DUSP16: variants seen among roughly 807,000 people sequenced by gnomAD.
DUSP16 encodes dual specificity protein phosphatase 16.
A neutral mutation model predicts 58.3 loss-of-function variants in DUSP16; 21 were observed. The observed-to-expected ratio is 0.36, with a 90% CI of 0.26 to 0.52. The LOEUF (loss-of-function observed/expected upper bound fraction) is 0.52, where lower values mean the gene tolerates loss of function less well. Among genes scored for constraint, DUSP16 ranks in the 20% least tolerant of loss-of-function variants. The pLI, the probability that DUSP16 is intolerant of heterozygous loss-of-function variation, is 0.94. For synonymous variants in DUSP16, 320 were observed against 323.8 expected, an observed-to-expected ratio of 0.99 and a Z score of 0.12; for missense variants, 726 against 819.0, an observed-to-expected ratio of 0.89 and a Z score of 1.39.
chr12:12,487,101 G>A lies in DUSP16; in HGVS notation c.618C>T (p.Phe206=). ...PKPDFIPESH[F]LRVPVNDSFC... is the part of the protein sequence containing the mutation. ...AGCTGTCATTCACAGGCACACGCAG[G>A]AAATGAGACTCGGGGATAAAGTCAG... The change falls in exon 5 of 7, where the codon TTC becomes TTT. Residue 206 remains phenylalanine (F), a synonymous_variant. Transcript: ENST00000298573. 1 of 1,614,180 alleles carries A rather than the reference G, an allele frequency of 6.2e-7. No homozygotes were observed. The highest frequency in any genetic ancestry group is 8.5e-7 in the Non-Finnish European group (1 of 1,180,020).
Position 12,475,433 on chromosome 12 carries a change from C to T in DUSP16, c.*1400G>A, listed in dbSNP as rs1389932692. 1 of 152,256 alleles carries T rather than the reference C, an allele frequency of 6.6e-6. No individual in the cohort carries two copies. Among genetic ancestry groups the T allele is most frequent in the Non-Finnish European group, 1.5e-5 (1 of 68,074 alleles). 9.4% of individuals were successfully genotyped at this position (152,256 alleles called of 1,614,324 possible). ...CTGAGGACGCCCCTTTGCTCTCGCT[C>T]CATTTTGATTTGCTTTTTCCACTGA... On this transcript the variant is annotated 3_prime_UTR_variant, in exon 7 of 7. Coordinates refer to ENST00000298573, the MANE Select transcript of DUSP16 (RefSeq NM_030640.3).
chr12:12,542,560 T>C (rs1488723115), intron 1 of DUSP16, among the ~76,000 whole-genome samples: 2 of 152,244 alleles, frequency 1.3e-5, no homozygotes, highest in East Asian at 1.9e-4. Flanking sequence ...TAGTGATTAC[T>C]ACACAACTGT....
intron 4 of DUSP16, among the ~76,000 whole-genome samples, chr12:12,499,344 C>T (rs976535930): frequency 7.2e-5 from 11 of 152,172 alleles, no homozygotes; most frequent in African/African-American, 2.7e-4. Flanking sequence ...TAACTGCACA[C>T]TCAAAGGCAT....
rs551676688 is a variant in DUSP16, at chr12:12,500,527, G to C, written c.523C>G (p.Leu175Val). The change falls in exon 4 of 7, where the codon CTC becomes GTC. Residue 175 changes from leucine to valine, a missense_variant. Leu to Val is a conservative substitution (Grantham distance 32). Transcript: ENST00000298573. ...ATTTTCAAAGCACCCACCTTGTTGA[G>C]GACATCTCGCTGGCAGCCAAGATAA... The part of the protein sequence containing the change: ...NLYLGCQRDV[L>V]NKELMQQNGI... 4.4e-6 allele frequency: 7 copies of C among 1,607,476 alleles called. No homozygotes were observed. In the South Asian group the frequency reaches 6.7e-5, roughly 15 times the overall value.
At chr12:12,537,332 A>G (rs1381365157) in intron 1 of DUSP16, among the ~76,000 whole-genome samples, 3 of 152,236 alleles carry the variant, frequency 2.0e-5, no homozygotes, top group African/African-American at 7.2e-5. Context: ...AAGTTTTTAA[A>G]TGTAATTACA....
intron 1 of DUSP16, among the ~76,000 whole-genome samples, chr12:12,543,899 A>G (rs1944601733): frequency 6.6e-6 from 1 of 151,976 alleles, no homozygotes; most frequent in African/African-American, 2.4e-5. Flanking sequence ...CAGCATTGAT[A>G]ATACAAGCTT....
At chr12:12,497,646 A>G (rs564772350) in intron 4 of DUSP16, among the ~76,000 whole-genome samples, 1 of 150,678 alleles carries the variant, frequency 6.6e-6, no homozygotes, top group East Asian at 2.0e-4. Flanking sequence ...TGCTTCTAAC[A>G]TATTTTGGTG....
chr12:12,493,132 T>A (rs931544827), intron 4 of DUSP16, among the ~76,000 whole-genome samples: 1 of 152,178 alleles, frequency 6.6e-6, no homozygotes, highest in Non-Finnish European at 1.5e-5. Context: ...CATTCATACA[T>A]CCATCTGTCT....
At chr12:12,482,003 C>A (rs1178943465) in intron 5 of DUSP16, among the ~76,000 whole-genome samples, 1 of 152,138 alleles carries the variant, frequency 6.6e-6, no homozygotes, top group Non-Finnish European at 1.5e-5. Flanking sequence ...TCCTTTATAC[C>A]ATTATAATGT....
chr12:12,516,335 G>C (rs1409036223), intron 3 of DUSP16, among the ~76,000 whole-genome samples: 2 of 152,112 alleles, frequency 1.3e-5, no homozygotes, highest in Admixed American at 6.6e-5. Flanking sequence ...TAATCCACTG[G>C]GAGTGAAACA....
At chr12:12,484,264 G>A (rs1404533737) in intron 5 of DUSP16, among the ~76,000 whole-genome samples, 2 of 152,106 alleles carry the variant, frequency 1.3e-5, no homozygotes, top group African/African-American at 4.8e-5. Context: ...ATAGAACCAA[G>A]CAAATGAAAT....
rs767054549 is a variant in DUSP16 at position 12,476,711 on chromosome 12, C to T, written c.*122G>A. 1.6e-4 allele frequency: 135 copies of T among 835,066 alleles called. No individual in the cohort carries two copies. The highest frequency in any genetic ancestry group is 2.4e-4 in the Non-Finnish European group (130 of 552,682). The allele number at this position is 835,066 out of a possible 1,614,324, so 51.7% of individuals were successfully genotyped here. A position where few individuals can be genotyped will look rare whatever the true frequency, so the allele number is the denominator to read the frequency against. On this transcript the variant is annotated 3_prime_UTR_variant, in exon 7 of 7. Transcript: ENST00000298573. ...TGGGTTGATCCACCTGTTGCTTTTA[C>T]ACCATAGCTCCATTTTCCAAAAATA...
At chr12:12,503,842 A>T (rs987193740) in intron 3 of DUSP16, among the ~76,000 whole-genome samples, 3 of 152,180 alleles carry the variant, frequency 2.0e-5, no homozygotes, top group African/African-American at 4.8e-5. Flanking sequence ...TGACCATGGA[A>T]TTCCCCCTAA....
chr12:12,556,059 T>C (rs950239432), intron 1 of DUSP16, among the ~76,000 whole-genome samples: 1 of 152,124 alleles, frequency 6.6e-6, no homozygotes, highest in Non-Finnish European at 1.5e-5. Context: ...AAAAATTAAA[T>C]AAATTAAGCA....
chr12:12,504,798 G>A (rs1229748956), intron 3 of DUSP16, among the ~76,000 whole-genome samples: 2 of 151,872 alleles, frequency 1.3e-5, no homozygotes, highest in East Asian at 3.9e-4. Flanking sequence ...GACTGTTTGA[G>A]CCCAGGAGGT....
rs755648451 is a variant in DUSP16 at position 12,487,158 on chromosome 12, A to G, written c.561T>C (p.Tyr187=). The part of the protein sequence containing the change: ...KELMQQNGIG[Y]VLNASNTCPK... The stretch of plus-strand genomic sequence containing the variant: ...GACAGGTATTGCTGGCATTTAACAC[A>G]TAACCAATCCCATTCTGCTGCATCA... The change falls in exon 5 of 7, where the codon TAT becomes TAC. Residue 187 remains tyrosine (Y), a synonymous_variant. Coordinates refer to ENST00000298573, the MANE Select transcript of DUSP16 (RefSeq NM_030640.3). 9 of 1,613,998 alleles carry G rather than the reference A, an allele frequency of 5.6e-6. No homozygotes were observed. In the African/African-American group the frequency reaches 8.0e-5, roughly 14 times the overall value.
intron 3 of DUSP16, among the ~76,000 whole-genome samples, chr12:12,501,719 C>T (rs147397874): frequency 0.021 from 3,217 of 152,256 alleles, 46 homozygotes; most frequent in Middle Eastern, 0.051. Flanking sequence ...AGGCAGGGCT[C>T]GGTGGCTCAC....
chr12:12,503,827 T>C (rs1943947313), intron 3 of DUSP16, among the ~76,000 whole-genome samples: 1 of 152,178 alleles, frequency 6.6e-6, no homozygotes, highest in Admixed American at 6.5e-5. Context: ...TTCCCCAAAC[T>C]TATCTGACCA....
intron 1 of DUSP16, among the ~76,000 whole-genome samples, chr12:12,544,599 T>C (rs921262103): frequency 6.6e-6 from 1 of 152,020 alleles, no homozygotes; most frequent in Non-Finnish European, 1.5e-5. Flanking sequence ...TTCTAGTTGC[T>C]CTACACCCAT....
Sources: allele counts gnomAD v4.1 joint callset (sites outside exome capture counted in the v4.1 genomes callset), GRCh38; gene constraint gnomAD v4.1.1; transcripts MANE v1.5; gene names NCBI Gene and HGNC (gene_info 2026-07-23, HGNC 2026-07-21).